Variants in CRYM observed in about 807,000 individuals in gnomAD.
The protein encoded by CRYM is crystallin mu, also known as ketimine reductase mu-crystallin.
CRYM carries 18 observed loss-of-function variants against 32.9 expected under a neutral mutation model. The observed-to-expected ratio is 0.55, with a 90% confidence interval of 0.38 to 0.81. CRYM has a LOEUF of 0.81. Among genes scored for constraint, CRYM ranks in the 30% least tolerant of loss-of-function variants. CRYM has a pLI of 0.00. For synonymous variants in CRYM, 153 were observed against 152.4 expected (o/e 1.00, Z -0.03); for missense variants, 337 against 393.5 (o/e 0.86, Z 1.21).
At chr16:21,301,619 C>T (rs1027231501) in intron 1 of CRYM, among the ~76,000 whole-genome samples, 2 of 152,226 alleles carry the variant, frequency 1.3e-5, no homozygotes, top group Non-Finnish European at 2.9e-5. Context: ...GGAAGAGGGA[C>T]TGAGGAGGTT....
chr16:21,266,805 G>A (rs894497841), intron 5 of CRYM, among the ~76,000 whole-genome samples: 1 of 152,032 alleles, frequency 6.6e-6, no homozygotes, highest in African/African-American at 2.4e-5. Context: ...AGGAGTTCGA[G>A]ACCAGCCTGG....
At chr16:21,297,752 C>T (rs1960818484) in intron 1 of CRYM, among the ~76,000 whole-genome samples, 2 of 152,076 alleles carry the variant, frequency 1.3e-5, no homozygotes, top group Non-Finnish European at 2.9e-5. Flanking sequence ...AATTACAGAA[C>T]AGTGTGGGAG....
rs748639945 is a variant in CRYM, at chr16:21,261,355, C to T, written c.796-17G>A. 57 of 1,608,644 alleles carry T rather than the reference C, an allele frequency of 3.5e-5. No individual in the cohort carries two copies. Among genetic ancestry groups the T allele is most frequent in the Middle Eastern group, 3.3e-4 (2 of 6,072 alleles). ...GATCTCGGCCTAGGAAACAAACATA[C>T]GCTGACCCAGGCATGAAGCTAAAGT... On this transcript the variant is annotated splice_polypyrimidine_tract_variant and intron_variant, in intron 6 of 7. Transcript: ENST00000572914.
At chr16:21,272,704 C>T (rs1205253312) in intron 3 of CRYM, among the ~76,000 whole-genome samples, 2 of 149,270 alleles carry the variant, frequency 1.3e-5, no homozygotes, top group Non-Finnish European at 3.0e-5. Context: ...GGCTGGAGTG[C>T]AGTGGTGTGA....
At chr16:21,269,665 A>C (rs2093370943) in intron 4 of CRYM, 125 bp downstream of exon 4, 1 of 677,406 alleles carries the variant, frequency 1.5e-6, no homozygotes, top group African/African-American at 1.8e-5. Context: ...TGAAGATACA[A>C]GAATGGTCTA....
intron 4 of CRYM, among the ~76,000 whole-genome samples, chr16:21,269,088 G>A (rs2093369618): frequency 6.8e-6 from 1 of 147,056 alleles, no homozygotes; most frequent in Admixed American, 7.0e-5. Flanking sequence ...AGGTTGCAGT[G>A]AGCCGAGATT....
intron 7 of CRYM, 36 bp from the exon 8 acceptor site, chr16:21,258,881 A>C (rs994977575): frequency 1.2e-6 from 2 of 1,601,074 alleles, no homozygotes; most frequent in Admixed American, 1.7e-5. Flanking sequence ...CCTTTGGTCA[A>C]AACAACTTTT....
At chr16:21,298,534 A>G (rs1180037534) in intron 1 of CRYM, among the ~76,000 whole-genome samples, 1 of 152,236 alleles carries the variant, frequency 6.6e-6, no homozygotes, top group Admixed American at 6.5e-5. Context: ...AAAGAAAGGA[A>G]TGAATACTGG....
At chr16:21,270,006 G>A in intron 3 of CRYM, 115 bp from the exon 4 acceptor site, 1 of 735,548 alleles carries the variant, frequency 1.4e-6, no homozygotes, top group East Asian at 2.6e-5. Context: ...TCCCTCAAGA[G>A]CTTGCAGGCA....
intron 2 of CRYM, among the ~76,000 whole-genome samples, chr16:21,276,578 C>T (rs2093387019): frequency 6.6e-6 from 1 of 152,194 alleles, no homozygotes; most frequent in Admixed American, 6.5e-5. Context: ...CTCTACTAAC[C>T]TGAGCCTCAA....
At chr16:21,265,184 C>T (rs1327068874) in intron 5 of CRYM, among the ~76,000 whole-genome samples, 2 of 152,190 alleles carry the variant, frequency 1.3e-5, no homozygotes, top group Non-Finnish European at 2.9e-5. Flanking sequence ...TCAGCCCTGA[C>T]TTACCTCTTA....
At chr16:21,287,455 C>T (rs139809092) in intron 1 of CRYM, among the ~76,000 whole-genome samples, 4 of 152,234 alleles carry the variant, frequency 2.6e-5, no homozygotes, top group African/African-American at 7.2e-5. Flanking sequence ...CTTGACCATA[C>T]GTGAGTTTAT....
chr16:21,290,225 T>G (rs1448393780), intron 1 of CRYM, among the ~76,000 whole-genome samples: 1 of 152,194 alleles, frequency 6.6e-6, no homozygotes, highest in East Asian at 1.9e-4. Context: ...TGCTCACTGT[T>G]TGGGTCCACA....
upstream of CRYM, among the ~76,000 whole-genome samples, chr16:21,279,254 A>G (rs2093393852): frequency 6.6e-6 from 1 of 152,204 alleles, no homozygotes. Flanking sequence ...CCTCTAAGGT[A>G]GGGAGGTGTT....
chr16:21,296,013 C>T (rs1053700266), intron 1 of CRYM, among the ~76,000 whole-genome samples: 2 of 151,916 alleles, frequency 1.3e-5, no homozygotes, highest in African/African-American at 4.8e-5. Flanking sequence ...GAAAATTCAT[C>T]TCACTAAAAC....
At chr16:21,275,710 G>A in intron 2 of CRYM, 116 bp from the exon 3 acceptor site, 1 of 821,922 alleles carries the variant, frequency 1.2e-6, no homozygotes. Flanking sequence ...AAACAGCATG[G>A]GTTTGGCGTC....
intron 1 of CRYM, among the ~76,000 whole-genome samples, chr16:21,286,279 G>A (rs748352499): frequency 1.2e-4 from 18 of 151,136 alleles, no homozygotes; most frequent in South Asian, 8.3e-4. Context: ...ATGCAATGGC[G>A]TGATCTCAGC....
At chr16:21,291,065 A>G (rs1283692084) in intron 1 of CRYM, among the ~76,000 whole-genome samples, 2 of 152,234 alleles carry the variant, frequency 1.3e-5, no homozygotes, top group Non-Finnish European at 2.9e-5. Context: ...TTGTGAGAAT[A>G]ATGTTACAGC....
At chr16:21,293,779 T>C (rs1006732816) in intron 1 of CRYM, among the ~76,000 whole-genome samples, 7 of 152,206 alleles carry the variant, frequency 4.6e-5, no homozygotes, top group African/African-American at 1.7e-4. Context: ...TAGAAGAAGA[T>C]GAATATGTAC....
Sources: allele counts gnomAD v4.1 joint callset (sites outside exome capture counted in the v4.1 genomes callset), GRCh38; gene constraint gnomAD v4.1.1; transcripts MANE v1.5; gene names NCBI Gene and HGNC (gene_info 2026-07-23, HGNC 2026-07-21).